Variants in DCP1A observed in about 807,000 individuals in gnomAD.
DCP1A encodes the protein decapping mRNA 1A, also known as mRNA-decapping enzyme 1A.
Under a neutral mutation model 58.0 loss-of-function variants are expected in DCP1A, and 20 were observed. The observed-to-expected ratio is 0.34, with a 90% CI of 0.24 to 0.50. The LOEUF (loss-of-function observed/expected upper bound fraction) is 0.50. Among genes scored for constraint, DCP1A ranks in the 20% least tolerant of loss-of-function variants. The pLI is 0.98. For missense variants in DCP1A, 613 were observed against 712.2 expected, an observed-to-expected ratio of 0.86 and a Z score of 1.59; for synonymous variants, 285 against 275.1, an observed-to-expected ratio of 1.04 and a Z score of -0.36.
chr3:53,346,526 C>T (rs568077938), intron 1 of DCP1A, among the ~76,000 whole-genome samples: 1 of 152,130 alleles, frequency 6.6e-6, no homozygotes, highest in African/African-American at 2.4e-5. Context: ...AAGCCTGTAG[C>T]TGAATGAGTT....
intron 3 of DCP1A, among the ~76,000 whole-genome samples, chr3:53,335,078 T>G (rs183066530): frequency 2.7e-5 from 4 of 150,364 alleles, no homozygotes; most frequent in Non-Finnish European, 5.9e-5. Flanking sequence ...CTCATCAGAA[T>G]GTGTCTGGGT....
intron 3 of DCP1A, among the ~76,000 whole-genome samples, chr3:53,320,021 G>C (rs999203596): frequency 1.4e-4 from 21 of 151,984 alleles, no homozygotes; most frequent in Non-Finnish European, 1.5e-5. Context: ...CCAGCTACTT[G>C]GGAGGCTGAG....
chr3:53,327,934 C>T (rs782519897), intron 3 of DCP1A, among the ~76,000 whole-genome samples: 1 of 151,732 alleles, frequency 6.6e-6, no homozygotes, highest in Non-Finnish European at 1.5e-5. Flanking sequence ...ACCAGCCTGG[C>T]CAACATGGTG....
chr3:53,328,588 T>C (rs1010364033), intron 3 of DCP1A, among the ~76,000 whole-genome samples: 11 of 152,088 alleles, frequency 7.2e-5, no homozygotes, highest in Non-Finnish European at 1.0e-4. Context: ...AGCCAGTAAT[T>C]AGTGAATCAT....
rs1451363371 is a variant in DCP1A at position 53,285,932 on chromosome 3, T to G, written c.*1648A>C. 1 of 152,230 alleles carries G rather than the reference T, an allele frequency of 6.6e-6. No homozygotes were observed. Among genetic ancestry groups the G allele is most frequent in the Non-Finnish European group, 1.5e-5 (1 of 68,028 alleles). 9.4% of individuals were successfully genotyped at this position (152,230 alleles called of 1,614,324 possible). On this transcript the variant is annotated 3_prime_UTR_variant, in exon 10 of 10. Transcript: ENST00000610213. The stretch of plus-strand genomic sequence containing the variant: ...AAAACAAACTATTCACAATTGAGCA[T>G]GAAAACTTATAAGCTTCCCTGAATT...
rs1334722772 is a variant in DCP1A, at chr3:53,296,910, T to C, written c.625-4083A>G. On this transcript the variant is annotated intron_variant, in intron 6 of 9. Coordinates refer to ENST00000610213, the MANE Select transcript of DCP1A (RefSeq NM_018403.7). ...TTTGGGTATATACCCAGGAGCAGAA[T>C]TGCTGGGTCATATAGTAATTCCAAG... 2.6e-5 allele frequency among the ~76,000 whole-genome samples: 4 copies of C among 152,356 alleles called. No individual in the cohort carries two copies. The East Asian group carries it at 5.8e-4, about 22-fold the overall frequency.
intron 3 of DCP1A, among the ~76,000 whole-genome samples, chr3:53,330,661 A>G (rs1054318195): frequency 5.9e-5 from 9 of 152,048 alleles, no homozygotes; most frequent in Non-Finnish European, 8.8e-5. Context: ...ATATAAACAA[A>G]ATTCTTTATA....
chr3:53,319,517 C>A, intron 3 of DCP1A, 44 bp from the exon 4 acceptor site: 1 of 1,246,440 alleles, frequency 8.0e-7, no homozygotes, highest in South Asian at 1.3e-5. Flanking sequence ...AATGAGGTTT[C>A]AACATTTGGG....
chr3:53,343,010 A>G (rs1476983997), intron 2 of DCP1A, among the ~76,000 whole-genome samples: 1 of 152,230 alleles, frequency 6.6e-6, no homozygotes, highest in Admixed American at 6.5e-5. Context: ...AATGCCTTGA[A>G]TCCTACAATA....
At chr3:53,333,101 G>C (rs1229265641) in intron 3 of DCP1A, 1 of 149,944 alleles carries the variant, frequency 6.7e-6, no homozygotes, top group Non-Finnish European at 1.5e-5. Context: ...GTCAGTAGCA[G>C]AACTAGACAA....
chr3:53,306,634 G>A (rs936576471), intron 5 of DCP1A, among the ~76,000 whole-genome samples: 1 of 151,878 alleles, frequency 6.6e-6, no homozygotes, highest in African/African-American at 2.4e-5. Flanking sequence ...AGCCAGGCGT[G>A]GTGGTGGGCG....
chr3:53,317,229 G>C (rs192559201), intron 4 of DCP1A, among the ~76,000 whole-genome samples: 1 of 152,060 alleles, frequency 6.6e-6, no homozygotes, highest in Admixed American at 6.6e-5. Context: ...GCAATGGCGC[G>C]ATCTTGGCTC....
At chr3:53,307,843 C>T (rs1326124583) in intron 5 of DCP1A, among the ~76,000 whole-genome samples, 1 of 152,160 alleles carries the variant, frequency 6.6e-6, no homozygotes, top group Non-Finnish European at 1.5e-5. Flanking sequence ...AAGGATATAT[C>T]GCCAAGTTCT....
intron 6 of DCP1A, among the ~76,000 whole-genome samples, chr3:53,297,126 T>G (rs782077308): frequency 1.3e-5 from 2 of 152,160 alleles, no homozygotes; most frequent in Non-Finnish European, 2.9e-5. Context: ...TCCTAATGAG[T>G]ATGAAGTGAT....
At chr3:53,346,164 A>C (rs542203713) in intron 1 of DCP1A, among the ~76,000 whole-genome samples, 12 of 152,312 alleles carry the variant, frequency 7.9e-5, no homozygotes, top group African/African-American at 2.9e-4. Context: ...AGAAAAGAAA[A>C]AAGATTCATA....
chr3:53,292,033 T>C, intron 7 of DCP1A, 36 bp downstream of exon 7: 1 of 1,571,204 alleles, frequency 6.4e-7, no homozygotes, highest in South Asian at 1.2e-5. Context: ...CAGTTACAGT[T>C]ACCCACTCTG....
intron 5 of DCP1A, among the ~76,000 whole-genome samples, chr3:53,308,034 C>T (rs1210467049): frequency 2.0e-5 from 3 of 151,882 alleles, no homozygotes; most frequent in African/African-American, 7.3e-5. Context: ...AAACAGGTTA[C>T]CAAAGAACAT....
At chr3:53,289,254 C>G (rs528582425) in intron 8 of DCP1A, among the ~76,000 whole-genome samples, 8 of 151,330 alleles carry the variant, frequency 5.3e-5, no homozygotes, top group African/African-American at 1.9e-4. Flanking sequence ...AGCCACCACA[C>G]CTGGCCTCTA....
chr3:53,331,620 C>T (rs115137032), intron 3 of DCP1A, among the ~76,000 whole-genome samples: 107,181 of 151,632 alleles, frequency 0.71, 38,477 homozygotes, highest in Non-Finnish European at 0.77. Context: ...CTAATGGCGC[C>T]TTTAGGACAT....
Sources: gnomAD v4.1 joint callset for allele counts (sites outside exome capture counted in the v4.1 genomes callset) on GRCh38, gnomAD v4.1.1 for gene constraint, MANE v1.5 for transcripts, NCBI Gene and HGNC (gene_info 2026-07-23, HGNC 2026-07-21) for gene names.